The following TMEM156 variants were observed in gnomAD, a reference collection of about 807,000 sequenced individuals.
The protein encoded by TMEM156 is transmembrane protein 156.
Under a neutral mutation model 30.5 loss-of-function variants are expected in TMEM156, and 28 were observed. The observed-to-expected ratio is 0.92, with a 90% CI of 0.68 to 1.26. TMEM156 has a LOEUF of 1.26. Among genes scored for constraint, TMEM156 ranks in the 50% most tolerant of loss-of-function variants. TMEM156 has a pLI of 0.00. For synonymous variants in TMEM156, 137 were observed against 119.9 expected (o/e 1.14, Z -0.93); for missense variants, 351 against 340.6 (o/e 1.03, Z -0.24).
chr4:38,986,366 G>C lies in TMEM156; in HGVS notation c.793C>G (p.Leu265Val). Reference protein sequence around the residue: ...VLLRGSDSEKLRALNVQVLSA... With the variant: ...VLLRGSDSEKVRALNVQVLSA... ...AGAACCTGCACATTCAATGCTCTCA[G>C]TTTCTCCGAATCACTTCCTCTTAAG... Residue 265 changes from leucine (L) to valine (V), a missense_variant, in exon 5 of 7, where the codon CTG (leucine) becomes GTG (valine). By Grantham distance (32) the Leu-to-Val change is conservative (BLOSUM62 1). Coordinates refer to ENST00000381938, the MANE Select transcript of TMEM156 (RefSeq NM_024943.3). 1.2e-6 allele frequency: 2 copies of C among 1,613,854 alleles called. No individual in the cohort carries two copies. The highest frequency in any genetic ancestry group is 1.7e-6 in the Non-Finnish European group (2 of 1,179,864).
intron 4 of TMEM156, among the ~76,000 whole-genome samples, chr4:38,987,290 C>T (rs928092410): frequency 6.6e-6 from 1 of 152,204 alleles, no homozygotes; most frequent in Non-Finnish European, 1.5e-5. Context: ...CACTTAACCT[C>T]TCTAAGTCTC....
At chr4:39,020,430 C>T (rs1714785345) in intron 1 of TMEM156, among the ~76,000 whole-genome samples, 1 of 152,132 alleles carries the variant, frequency 6.6e-6, no homozygotes, top group South Asian at 2.1e-4. Flanking sequence ...GAGACAGGAT[C>T]CTACTATGTT....
chr4:39,010,683 A>G (rs1233597459), intron 1 of TMEM156, among the ~76,000 whole-genome samples: 5 of 152,224 alleles, frequency 3.3e-5, no homozygotes, highest in Non-Finnish European at 7.3e-5. Flanking sequence ...TACTCTATTC[A>G]ATAAATGCTG....
intron 1 of TMEM156, among the ~76,000 whole-genome samples, chr4:39,000,612 C>A (rs541523122): frequency 1.3e-5 from 2 of 152,100 alleles, no homozygotes; most frequent in African/African-American, 2.4e-5. Context: ...CCAGGCCAGG[C>A]GCAGTGGCTC....
intron 4 of TMEM156, among the ~76,000 whole-genome samples, chr4:38,988,382 C>CCTGG (rs1712153035): frequency 6.6e-6 from 1 of 152,164 alleles, no homozygotes; most frequent in Admixed American, 6.5e-5. Flanking sequence ...CGCCACCATG[C>CCTGG]CTGGCTAATT....
At position 39,032,260 on chromosome 4, in the gene TMEM156, A is replaced by G. The variant is rs1715570036; in HGVS notation, c.54T>C (p.Ile18=). 1.2e-6 allele frequency: 2 copies of G among 1,610,088 alleles called. No homozygotes were observed. The highest frequency in any genetic ancestry group is 1.7e-5 in the Admixed American group (1 of 59,624). ...TCTTGAAATATTCCGGCAAAATTAA[A>G]ATGAATGTGATCACTATTGCCACAA... ...KLFVAIVITF[I]LILPEYFKTP... is the part of the protein sequence containing the mutation. The change falls in exon 1 of 7, where the codon ATT becomes ATC. Residue 18 remains isoleucine, a synonymous_variant. Coordinates refer to ENST00000381938, the MANE Select transcript of TMEM156 (RefSeq NM_024943.3).
intron 1 of TMEM156, among the ~76,000 whole-genome samples, chr4:39,027,232 A>G (rs1448476969): frequency 6.6e-6 from 1 of 152,242 alleles, no homozygotes; most frequent in Non-Finnish European, 1.5e-5. Flanking sequence ...TGAATAAGAA[A>G]AAGAGCATTC....
intron 1 of TMEM156, among the ~76,000 whole-genome samples, chr4:38,999,125 T>A (rs867796961): frequency 0.011 from 1,555 of 147,196 alleles, 28 homozygotes; most frequent in African/African-American, 0.037. Context: ...TTTTTTTTTT[T>A]TTTTTTTTTG....
At chr4:38,977,590 A>G (rs922435021) in intron 5 of TMEM156, among the ~76,000 whole-genome samples, 4 of 152,264 alleles carry the variant, frequency 2.6e-5, no homozygotes, top group Admixed American at 6.5e-5. Context: ...CATAAGAAAT[A>G]CAATTTCTTT....
intron 2 of TMEM156, among the ~76,000 whole-genome samples, chr4:38,995,802 A>T (rs1185561964): frequency 6.6e-6 from 1 of 152,238 alleles, no homozygotes; most frequent in Admixed American, 6.5e-5. Flanking sequence ...AGGCAGAGGA[A>T]GTGACACTGC....
chr4:39,022,434 T>C lies in TMEM156; in HGVS notation c.88+9792A>G, dbSNP rs182199893. ...AACTGAAATTCCAGGCCACCAGAGA[T>C]TTGCAAATGCTCCTGAGGCACAAAT... On this transcript the variant is annotated intron_variant, in intron 1 of 6. Transcript: ENST00000381938. Among the ~76,000 whole-genome samples the C allele has an allele frequency of 3.3e-5, 5 of 152,284 alleles. No homozygotes were observed. The East Asian group carries it at 9.6e-4, about 29-fold the overall frequency.
At chr4:38,978,885 G>A (rs1309764096) in intron 5 of TMEM156, among the ~76,000 whole-genome samples, 1 of 152,026 alleles carries the variant, frequency 6.6e-6, no homozygotes, top group Admixed American at 6.6e-5. Flanking sequence ...CAGGCTCAAG[G>A]GATCCTCCCA....
rs1375462444 is a variant in TMEM156, at chr4:38,966,759, A to G, written c.*921T>C. ...AAAGGAAACGTTTTGCTATTAAAGT[A>G]CTTAAGTATTTTATTTAAATTCGTT... On this transcript the variant is annotated 3_prime_UTR_variant, in exon 7 of 7. Transcript: ENST00000381938. 6.6e-6 allele frequency: 1 copy of G among 151,510 alleles called. No individual in the cohort carries two copies. Among genetic ancestry groups the G allele is most frequent in the African/African-American group, 2.4e-5 (1 of 41,168 alleles). The allele number at this position is 151,510 out of a possible 1,614,324, so 9.4% of individuals were successfully genotyped here. A position where few individuals can be genotyped will look rare whatever the true frequency, so the allele number is the denominator to read the frequency against.
At chr4:39,010,510 T>C (rs915950877) in intron 1 of TMEM156, among the ~76,000 whole-genome samples, 4 of 152,108 alleles carry the variant, frequency 2.6e-5, no homozygotes, top group Non-Finnish European at 5.9e-5. Flanking sequence ...AACTTCAAAC[T>C]ATACTACAAG....
At chr4:39,001,163 G>C (rs1262880055) in intron 1 of TMEM156, among the ~76,000 whole-genome samples, 1 of 146,480 alleles carries the variant, frequency 6.8e-6, no homozygotes. Flanking sequence ...GAGGTCAGGA[G>C]ATGGAGACCA....
intron 5 of TMEM156, among the ~76,000 whole-genome samples, chr4:38,981,852 T>C (rs1247705726): frequency 6.6e-6 from 1 of 152,198 alleles, no homozygotes; most frequent in African/African-American, 2.4e-5. Flanking sequence ...GGACTGTGCC[T>C]ATGGTATGTG....
intron 3 of TMEM156, among the ~76,000 whole-genome samples, chr4:38,989,405 G>A (rs1712250887): frequency 6.6e-6 from 1 of 152,222 alleles, no homozygotes; most frequent in Non-Finnish European, 1.5e-5. Flanking sequence ...GGGGAAGAAA[G>A]AGAAAGGCAG....
At chr4:38,984,339 C>CTG (rs1711798314) in intron 5 of TMEM156, among the ~76,000 whole-genome samples, 2 of 108,960 alleles carry the variant, frequency 1.8e-5, no homozygotes, top group Non-Finnish European at 1.8e-5. Flanking sequence ...CTCTGTCTCT[C>CTG]TCTCTCTCTC....
intron 2 of TMEM156, among the ~76,000 whole-genome samples, chr4:38,996,608 G>A (rs1259354026): frequency 6.6e-6 from 1 of 151,992 alleles, no homozygotes; most frequent in Non-Finnish European, 1.5e-5. Context: ...ATAAGCGTTG[G>A]CAAAAATGTG....
Sources: gnomAD v4.1 joint callset for allele counts (sites outside exome capture counted in the v4.1 genomes callset) on GRCh38, gnomAD v4.1.1 for gene constraint, MANE v1.5 for transcripts, NCBI Gene and HGNC (gene_info 2026-07-23, HGNC 2026-07-21) for gene names.